PDS5B: variants seen among roughly 807,000 people sequenced by gnomAD.
PDS5B encodes sister chromatid cohesion protein PDS5 homolog B.
Under a neutral mutation model 184.1 loss-of-function variants are expected in PDS5B, and 51 were observed. That is an observed-to-expected ratio of 0.28 (90% CI 0.22 to 0.35). The LOEUF (loss-of-function observed/expected upper bound fraction) is 0.35, where lower values mean the gene tolerates loss of function less well. PDS5B is among the 10% of genes least tolerant of loss of function. PDS5B has a pLI of 1.00. For synonymous variants in PDS5B, 566 were observed against 569.2 expected, an observed-to-expected ratio of 0.99 and a Z score of 0.08; for missense variants, 1,180 against 1,723.3, an observed-to-expected ratio of 0.68 and a Z score of 5.58.
rs117686559 is a variant in PDS5B, at chr13:32,638,083, G to A, written c.-19-10671G>A. ...TGGTTAGGGCTGGCTTGTTCATGATGACCATGGCTGGGACAATGTGCCTCT... is the reference window on the plus strand; with the variant it reads ...TGGTTAGGGCTGGCTTGTTCATGATAACCATGGCTGGGACAATGTGCCTCT... On this transcript the variant is annotated intron_variant, in intron 1 of 34. Transcript: ENST00000315596. Among the ~76,000 whole-genome samples the A allele has an allele frequency of 5.6e-3, 857 of 152,290 alleles. 7 individuals are homozygous for A. Among genetic ancestry groups the A allele is most frequent in the Admixed American group, 0.014 (212 of 15,296 alleles).
rs1478019498 is a variant in PDS5B at position 32,776,399 on chromosome 13, T to G, written c.*1347T>G. ...TGTCCAGATTGGGAGAAGTGGAAAT[T>G]TATTTGGATTTAGAGCAGGTCTTTT... On this transcript the variant is annotated 3_prime_UTR_variant, in exon 35 of 35. Transcript: ENST00000315596. 6.6e-6 allele frequency: 1 copy of G among 152,370 alleles called. No individual in the cohort carries two copies. Among genetic ancestry groups the G allele is most frequent in the Non-Finnish European group, 1.5e-5 (1 of 67,942 alleles). 9.4% of individuals were successfully genotyped at this position (152,370 alleles called of 1,614,324 possible).
Position 32,651,878 on chromosome 13 carries a change from A to G in PDS5B, c.183A>G (p.Leu61=). The part of the protein sequence containing the change: ...EEKELYLNLA[L]HLASDFFLKH... The stretch of plus-strand genomic sequence containing the variant: ...AGGAGCTTTATTTAAACCTAGCTTT[A>G]CATCTTGCTTCAGATTTTTTTCTCA... Residue 61 remains leucine, a synonymous_variant, in exon 3 of 35, where the codon TTA becomes TTG. Transcript: ENST00000315596. 1 of 1,613,302 alleles carries G rather than the reference A, an allele frequency of 6.2e-7. No individual in the cohort carries two copies. Among genetic ancestry groups the G allele is most frequent in the Non-Finnish European group, 8.5e-7 (1 of 1,179,276 alleles).
intron 3 of PDS5B, among the ~76,000 whole-genome samples, chr13:32,655,887 T>G (rs1462108963): frequency 3.3e-5 from 5 of 152,220 alleles, no homozygotes; most frequent in African/African-American, 1.2e-4. Flanking sequence ...ATCTTCATCA[T>G]GAAATCTTTG....
chr13:32,768,812 AAAAAAAAAG>A (rs1954675394), intron 31 of PDS5B, among the ~76,000 whole-genome samples: 1 of 121,168 alleles, frequency 8.3e-6, no homozygotes. Context: ...AAAAAGAAAA[AAAAAAAAAG>A]CTGGGTGCAG....
chr13:32,721,270 G>A (rs1435919095), intron 19 of PDS5B, among the ~76,000 whole-genome samples: 25 of 148,268 alleles, frequency 1.7e-4, no homozygotes, highest in Non-Finnish European at 3.0e-4. Context: ...GGGCGGGGGC[G>A]CCCCCCACCT....
At chr13:32,592,091 T>A (rs1032287440) in intron 1 of PDS5B, among the ~76,000 whole-genome samples, 2 of 152,136 alleles carry the variant, frequency 1.3e-5, no homozygotes, top group Non-Finnish European at 1.5e-5. Context: ...CAACCCCACC[T>A]TGTACCATCT....
At chr13:32,708,294 T>G (rs938687760) in intron 18 of PDS5B, among the ~76,000 whole-genome samples, 1 of 152,234 alleles carries the variant, frequency 6.6e-6, no homozygotes. Context: ...TTGAATTCTT[T>G]CCTTGGCAAA....
At chr13:32,655,501 C>T (rs928674866) in intron 3 of PDS5B, among the ~76,000 whole-genome samples, 1 of 150,280 alleles carries the variant, frequency 6.7e-6, no homozygotes, top group African/African-American at 2.5e-5. Context: ...CCCTCAGCCT[C>T]CCCAGTAGCT....
intron 1 of PDS5B, among the ~76,000 whole-genome samples, chr13:32,595,784 G>A (rs2057856151): frequency 6.6e-6 from 1 of 152,124 alleles, no homozygotes; most frequent in South Asian, 2.1e-4. Context: ...TTGTTTGGGG[G>A]GTTCAAAGGA....
chr13:32,655,374 A>ATTTTTTTTTTTTTTT (rs1228814649), intron 3 of PDS5B, among the ~76,000 whole-genome samples: 2 of 72,460 alleles, frequency 2.8e-5, no homozygotes, highest in Non-Finnish European at 4.4e-5. Context: ...ATATATATAT[A>ATTTTTTTTTTTTTTT]TTTTTTTTTT....
intron 19 of PDS5B, among the ~76,000 whole-genome samples, chr13:32,718,367 C>G (rs529962466): frequency 2.4e-4 from 37 of 152,256 alleles, no homozygotes; most frequent in South Asian, 1.2e-3. Flanking sequence ...AGCCAGGATG[C>G]TCTCGATCTC....
chr13:32,666,229 C>T (rs547135290), intron 6 of PDS5B, among the ~76,000 whole-genome samples: 30 of 152,102 alleles, frequency 2.0e-4, no homozygotes, highest in African/African-American at 6.0e-4. Context: ...TATAGGCATC[C>T]GCCACCACGC....
chr13:32,617,586 A>G (rs991080337), intron 1 of PDS5B, among the ~76,000 whole-genome samples: 3 of 152,134 alleles, frequency 2.0e-5, no homozygotes, highest in African/African-American at 2.4e-5. Flanking sequence ...TGTGAACCCT[A>G]AGGGTTAAAG....
At chr13:32,699,675 ATTATT>A in intron 15 of PDS5B, 50 bp from the exon 16 acceptor site, 1 of 989,436 alleles carries the variant, frequency 1.0e-6, no homozygotes, top group Non-Finnish European at 1.4e-6. Flanking sequence ...TTGACCTATT[ATTATT>A]TTAAGAATTA....
At chr13:32,675,809 C>A in intron 8 of PDS5B, 35 bp from the exon 9 acceptor site, 2 of 1,270,670 alleles carry the variant, frequency 1.6e-6, no homozygotes, top group Non-Finnish European at 1.2e-6. Flanking sequence ...ATATCTACTG[C>A]ATGGTTTTAA....
chr13:32,592,144 C>G (rs2057785854), intron 1 of PDS5B, among the ~76,000 whole-genome samples: 2 of 152,204 alleles, frequency 1.3e-5, no homozygotes, highest in Non-Finnish European at 2.9e-5. Context: ...CTTCAACTAT[C>G]ATTTCATTTT....
chr13:32,762,387 A>C (rs1336609066), intron 30 of PDS5B, among the ~76,000 whole-genome samples: 1 of 152,184 alleles, frequency 6.6e-6, no homozygotes, highest in African/African-American at 2.4e-5. Context: ...ATAATGAATA[A>C]ATTGTTGAAT....
At chr13:32,669,773 A>G (rs1311737991) in intron 7 of PDS5B, among the ~76,000 whole-genome samples, 1 of 152,154 alleles carries the variant, frequency 6.6e-6, no homozygotes, top group Admixed American at 6.5e-5. Context: ...TACGTTGTCC[A>G]CTATTTTCTT....
chr13:32,595,833 C>T (rs1305096884), intron 1 of PDS5B, among the ~76,000 whole-genome samples: 1 of 152,188 alleles, frequency 6.6e-6, no homozygotes, highest in Non-Finnish European at 1.5e-5. Flanking sequence ...CAGCCACACA[C>T]AGTGGCTTAC....
Sources: gnomAD v4.1 joint callset for allele counts (sites outside exome capture counted in the v4.1 genomes callset) on GRCh38, gnomAD v4.1.1 for gene constraint, MANE v1.5 for transcripts, NCBI Gene and HGNC (gene_info 2026-07-23, HGNC 2026-07-21) for gene names.